The following ERBB4 variants were observed in gnomAD, a reference collection of about 807,000 sequenced individuals.
ERBB4 encodes the protein erb-b2 receptor tyrosine kinase 4.
Under a neutral mutation model 158.0 loss-of-function variants are expected in ERBB4, and 42 were observed. The observed-to-expected ratio is 0.27, with a 90% confidence interval of 0.21 to 0.34. ERBB4 has a LOEUF of 0.34. Among genes scored for constraint, ERBB4 ranks in the 10% least tolerant of loss-of-function variants. The probability of loss-of-function intolerance (pLI) is 1.00; values close to 1 mark genes in which losing one functional copy is unlikely to be tolerated. For missense variants in ERBB4, 1,333 were observed against 1,624.1 expected (o/e 0.82, Z 3.08); for synonymous variants, 583 against 558.7 (o/e 1.04, Z -0.61).
chr2:211,581,671 T>C (rs2125772779), intron 19 of ERBB4, among the ~76,000 whole-genome samples: 1 of 152,282 alleles, frequency 6.6e-6, no homozygotes, highest in Admixed American at 6.5e-5. Context: ...GGTTGTATTT[T>C]CTTTATAGTT....
intron 3 of ERBB4, among the ~76,000 whole-genome samples, chr2:211,898,535 G>A (rs1365755193): frequency 3.9e-5 from 6 of 152,044 alleles, no homozygotes; most frequent in South Asian, 2.1e-4. Context: ...ACTATTTGAC[G>A]TCTATTCAAA....
At chr2:211,450,497 C>A (rs1353027770) in intron 20 of ERBB4, among the ~76,000 whole-genome samples, 1 of 152,022 alleles carries the variant, frequency 6.6e-6, no homozygotes, top group African/African-American at 2.4e-5. Context: ...CAGCCCGGAC[C>A]AGGGTGGTGC....
chr2:211,524,464 G>A (rs1045195482), intron 20 of ERBB4, among the ~76,000 whole-genome samples: 2 of 150,702 alleles, frequency 1.3e-5, no homozygotes, highest in South Asian at 4.1e-4. Flanking sequence ...CCGCACAGGA[G>A]CCCATGGAGT....
At chr2:211,929,654 A>C (rs2080119087) in intron 3 of ERBB4, among the ~76,000 whole-genome samples, 1 of 152,186 alleles carries the variant, frequency 6.6e-6, no homozygotes, top group South Asian at 2.1e-4. Context: ...TTTTATATAA[A>C]AATAAATTAT....
At chr2:212,057,360 A>G (rs2077612405) in intron 2 of ERBB4, among the ~76,000 whole-genome samples, 1 of 152,186 alleles carries the variant, frequency 6.6e-6, no homozygotes, top group Non-Finnish European at 1.5e-5. Flanking sequence ...TGTCAACATT[A>G]GACAGATCAA....
At chr2:211,485,852 A>T (rs1421429123) in intron 20 of ERBB4, among the ~76,000 whole-genome samples, 1 of 142,092 alleles carries the variant, frequency 7.0e-6, no homozygotes, top group South Asian at 2.2e-4. Context: ...AACTTAAAGT[A>T]TAATAAAAAA....
intron 20 of ERBB4, among the ~76,000 whole-genome samples, chr2:211,523,797 C>G (rs1180644708): frequency 1.3e-5 from 2 of 152,028 alleles, no homozygotes; most frequent in Non-Finnish European, 2.9e-5. Context: ...GAAGGGGACC[C>G]GAGCAGGTTG....
At chr2:211,421,022 A>G (rs1166357426) in intron 24 of ERBB4, among the ~76,000 whole-genome samples, 3 of 151,914 alleles carry the variant, frequency 2.0e-5, no homozygotes, top group African/African-American at 4.8e-5. Flanking sequence ...GATTATCAGG[A>G]CCATAGGGTC....
At chr2:211,602,706 C>T (rs2068837970) in intron 19 of ERBB4, among the ~76,000 whole-genome samples, 1 of 152,092 alleles carries the variant, frequency 6.6e-6, no homozygotes, top group Non-Finnish European at 1.5e-5. Flanking sequence ...GTATGGATTG[C>T]ATTCTATCTC....
At chr2:212,107,764 C>A (rs80050713) in intron 2 of ERBB4, among the ~76,000 whole-genome samples, 3,415 of 152,184 alleles carry the variant, frequency 0.022, 136 homozygotes, top group African/African-American at 0.078. Context: ...GGGGGCAGAT[C>A]TTTCCTGTGC....
intron 1 of ERBB4, chr2:212,125,122 T>C (rs1483002880): frequency 2.4e-5 from 13 of 551,944 alleles, no homozygotes; most frequent in African/African-American, 5.7e-5. Context: ...TAGGAAGGCA[T>C]AGATTCCACA....
At chr2:211,571,217 G>A (rs1004877415) in intron 19 of ERBB4, among the ~76,000 whole-genome samples, 8 of 151,592 alleles carry the variant, frequency 5.3e-5, no homozygotes, top group South Asian at 2.1e-4. Flanking sequence ...AATACTACCC[G>A]GGCTTTGGCT....
intron 4 of ERBB4, among the ~76,000 whole-genome samples, chr2:211,752,786 T>C (rs1278110924): frequency 6.6e-6 from 1 of 150,984 alleles, no homozygotes; most frequent in Non-Finnish European, 1.5e-5. Context: ...GGCCCACCTA[T>C]TTGAAAATGT....
chr2:211,732,437 T>A (rs950225555), intron 5 of ERBB4, among the ~76,000 whole-genome samples: 2 of 152,114 alleles, frequency 1.3e-5, no homozygotes, highest in Non-Finnish European at 2.9e-5. Context: ...ATCATACACA[T>A]TTTCACAATA....
At position 211,687,302 on chromosome 2, in the gene ERBB4, C is replaced by T. The variant is rs1176951048; in HGVS notation, c.1490-8118G>A. 5.7e-3 allele frequency among the ~76,000 whole-genome samples: 211 copies of T among 36,846 alleles called. 1 individual carries two copies. Among genetic ancestry groups the T allele is most frequent in the African/African-American group, 0.022 (192 of 8,558 alleles). The allele number at this position is 36,846 out of a possible 152,430, so 24.2% of individuals were successfully genotyped here. A position where few individuals can be genotyped will look rare whatever the true frequency, so the allele number is the denominator to read the frequency against. On this transcript the variant is annotated intron_variant, in intron 12 of 27. Coordinates refer to ENST00000342788, the MANE Select transcript of ERBB4 (RefSeq NM_005235.3). ...CCTGGGTGACAGAGCAAGACTCCGT[C>T]TCAAAAAAAAAAAAAAAAAGACAAG... is the stretch of plus-strand genomic sequence containing the variant.
intron 15 of ERBB4, among the ~76,000 whole-genome samples, chr2:211,659,774 A>C (rs1482073485): frequency 3.9e-5 from 6 of 152,194 alleles, no homozygotes; most frequent in Non-Finnish European, 8.8e-5. Context: ...AAGATGAATT[A>C]GACATTTTTC....
Position 211,619,159 on chromosome 2 carries a change from C to T in ERBB4, c.2301+18G>A, listed in dbSNP as rs2069499677. On this transcript the variant is annotated intron_variant, in intron 19 of 27. Transcript: ENST00000342788. ...TGATAATGGAGAAAAATGTGATTGC[C>T]TGGGTGTCTGTACTTACATCCATGA... The T allele has an allele frequency of 1.4e-6, 2 of 1,455,706 alleles. No homozygotes were observed. Among genetic ancestry groups the T allele is most frequent in the East Asian group, 2.3e-5 (1 of 44,098 alleles). The allele number at this position is 1,455,706 out of a possible 1,614,324, so 90.2% of individuals were successfully genotyped here. A position where few individuals can be genotyped will look rare whatever the true frequency, so the allele number is the denominator to read the frequency against.
At chr2:212,480,155 T>C (rs1256534170) in intron 1 of ERBB4, among the ~76,000 whole-genome samples, 1 of 152,146 alleles carries the variant, frequency 6.6e-6, no homozygotes, top group Non-Finnish European at 1.5e-5. Context: ...AAATACCTGA[T>C]AACAATTTAT....
chr2:211,502,473 T>C (rs1379704387), intron 20 of ERBB4, among the ~76,000 whole-genome samples: 2 of 152,152 alleles, frequency 1.3e-5, no homozygotes, highest in Non-Finnish European at 2.9e-5. Context: ...ACCTAATTAA[T>C]AAAACTGTAT....
Sources: gnomAD v4.1 joint callset for allele counts (sites outside exome capture counted in the v4.1 genomes callset) on GRCh38, gnomAD v4.1.1 for gene constraint, MANE v1.5 for transcripts, NCBI Gene and HGNC (gene_info 2026-07-23, HGNC 2026-07-21) for gene names.